The following IGSF11 variants were observed in gnomAD, a reference collection of about 807,000 sequenced individuals.
IGSF11 encodes the protein CXADR like 1.
A neutral mutation model predicts 41.0 loss-of-function variants in IGSF11; 22 were observed. That is an observed-to-expected ratio of 0.54 (90% CI 0.38 to 0.77). The LOEUF is 0.77. Ranked by LOEUF, IGSF11 falls within the 30% of genes least tolerant of loss-of-function variation. The pLI, the probability that IGSF11 is intolerant of heterozygous loss-of-function variation, is 0.00. For synonymous variants in IGSF11, 219 were observed against 201.3 expected, an observed-to-expected ratio of 1.09 and a Z score of -0.74; for missense variants, 444 against 530.8, an observed-to-expected ratio of 0.84 and a Z score of 1.61.
intron 4 of IGSF11, among the ~76,000 whole-genome samples, chr3:118,922,156 C>T (rs1941864499): frequency 1.3e-5 from 2 of 152,010 alleles, no homozygotes; most frequent in Admixed American, 1.3e-4. Context: ...TCCATAAATG[C>T]AGGGATGTTT....
intron 1 of IGSF11, among the ~76,000 whole-genome samples, chr3:118,969,784 T>C (rs1161190672): frequency 3.3e-5 from 5 of 152,162 alleles, no homozygotes; most frequent in African/African-American, 1.2e-4. Flanking sequence ...TCCAAAGGAT[T>C]ATAAAATGCT....
intron 1 of IGSF11, among the ~76,000 whole-genome samples, chr3:119,044,052 A>G (rs1180000137): frequency 6.6e-6 from 1 of 152,194 alleles, no homozygotes; most frequent in African/African-American, 2.4e-5. Flanking sequence ...AATCCAAACC[A>G]AGAAAAAATC....
intron 1 of IGSF11, among the ~76,000 whole-genome samples, chr3:119,051,413 C>T (rs1941622070): frequency 6.6e-6 from 1 of 151,706 alleles, no homozygotes; most frequent in Admixed American, 6.6e-5. Context: ...AAGATTAGTC[C>T]AACAGGAAAA....
In IGSF11 at chr3:118,945,480, A is replaced by G. The variant is rs1046932109; in HGVS notation, c.53-15205T>C. Among the ~76,000 whole-genome samples, 5 of 152,354 alleles carry G rather than the reference A, an allele frequency of 3.3e-5. 1 individual carries two copies. The highest frequency in any genetic ancestry group is 1.9e-4 in the East Asian group (1 of 5,194). On this transcript the variant is annotated intron_variant, in intron 1 of 6. Transcript: ENST00000393775. ...GATGAAGCCGTGGTGAAATTCAAAA[A>G]TGAAATGTAAATGAGAAGTAGGAAA...
In IGSF11 at chr3:118,911,136, T is replaced by C. The variant is rs528836381; in HGVS notation, c.581-5418A>G. ...ATGTGTGTGTGCACACACACACACA[T>C]ATATGTAAAAATGAATGAATATATA... is the stretch of plus-strand genomic sequence containing the variant. On this transcript the variant is annotated intron_variant, in intron 4 of 6. Transcript: ENST00000393775. Among the ~76,000 whole-genome samples, 21 of 152,120 alleles carry C rather than the reference T, an allele frequency of 1.4e-4. No individual in the cohort carries two copies. The South Asian group carries it at 3.7e-3, about 27-fold the overall frequency.
At chr3:119,132,528 C>T (rs1043634098) in intron 1 of IGSF11, among the ~76,000 whole-genome samples, 1 of 152,004 alleles carries the variant, frequency 6.6e-6, no homozygotes, top group Non-Finnish European at 1.5e-5. Flanking sequence ...GCTAACTATC[C>T]TAAATAGATA....
chr3:119,127,843 C>A (rs2077424003), intron 1 of IGSF11, among the ~76,000 whole-genome samples: 1 of 152,168 alleles, frequency 6.6e-6, no homozygotes, highest in African/African-American at 2.4e-5. Flanking sequence ...CCTTTCTAGA[C>A]AAGCAAATGC....
chr3:119,021,977 AAGGGAGTGGG>A (rs1939338348), intron 1 of IGSF11, among the ~76,000 whole-genome samples: 1 of 152,196 alleles, frequency 6.6e-6, no homozygotes, highest in Non-Finnish European at 1.5e-5. Context: ...CACTGAAACC[AAGGGAGTGGG>A]AGGGGACATG....
At chr3:118,967,162 CA>C (rs1008537518) in intron 1 of IGSF11, among the ~76,000 whole-genome samples, 2 of 150,234 alleles carry the variant, frequency 1.3e-5, no homozygotes, top group Non-Finnish European at 3.0e-5. Flanking sequence ...GAATTAATGC[CA>C]AAAAAAACCA....
chr3:118,960,152 A>T (rs1945245935), intron 1 of IGSF11, among the ~76,000 whole-genome samples: 1 of 152,246 alleles, frequency 6.6e-6, no homozygotes, highest in African/African-American at 2.4e-5. Flanking sequence ...GATCACTGAA[A>T]TTAAAACTGT....
At chr3:119,141,603 C>A (rs2077648967) in intron 1 of IGSF11, among the ~76,000 whole-genome samples, 1 of 148,536 alleles carries the variant, frequency 6.7e-6, no homozygotes, top group Admixed American at 6.7e-5. Context: ...TATAGATTAT[C>A]TATATTATCT....
intron 1 of IGSF11, among the ~76,000 whole-genome samples, chr3:119,006,369 AT>A (rs1416434583): frequency 1.2e-5 from 1 of 86,824 alleles, no homozygotes; most frequent in Non-Finnish European, 2.0e-5. Flanking sequence ...ATTCTTCTAA[AT>A]TTTTTTCAAA....
intron 1 of IGSF11, among the ~76,000 whole-genome samples, chr3:119,086,728 T>C (rs1387654455): frequency 6.6e-6 from 1 of 152,172 alleles, no homozygotes; most frequent in Non-Finnish European, 1.5e-5. Context: ...AGGGAATATG[T>C]TTCAATAAGC....
At chr3:119,094,004 G>A (rs896231076) in intron 1 of IGSF11, among the ~76,000 whole-genome samples, 2 of 151,776 alleles carry the variant, frequency 1.3e-5, no homozygotes, top group African/African-American at 4.8e-5. Context: ...ATGATCTTAA[G>A]AGATTTTAAG....
At chr3:119,075,143 G>A (rs188263419) in intron 1 of IGSF11, among the ~76,000 whole-genome samples, 1 of 151,948 alleles carries the variant, frequency 6.6e-6, no homozygotes, top group African/African-American at 2.4e-5. Flanking sequence ...AATGACAAAG[G>A]GGACATTACC....
At chr3:118,957,426 G>A (rs1014776403) in intron 1 of IGSF11, among the ~76,000 whole-genome samples, 3 of 152,132 alleles carry the variant, frequency 2.0e-5, no homozygotes, top group African/African-American at 7.2e-5. Context: ...ACAGACATAG[G>A]CTTGTTTAAA....
intron 1 of IGSF11, among the ~76,000 whole-genome samples, chr3:119,093,405 G>A (rs865876636): frequency 1.4e-5 from 2 of 147,204 alleles, no homozygotes; most frequent in South Asian, 4.3e-4. Flanking sequence ...TCTGAGACCC[G>A]TTTTTTTTTT....
intron 1 of IGSF11, among the ~76,000 whole-genome samples, chr3:119,142,902 A>G (rs1304823640): frequency 6.6e-6 from 1 of 152,214 alleles, no homozygotes; most frequent in African/African-American, 2.4e-5. Flanking sequence ...TGAACAGTCA[A>G]TTTCTCAGCA....
At chr3:119,036,926 G>T (rs1375919669), upstream of IGSF11, among the ~76,000 whole-genome samples, 1 of 152,166 alleles carries the variant, frequency 6.6e-6, no homozygotes, top group African/African-American at 2.4e-5. Context: ...GAGTGAGGAT[G>T]ATCAGATTTC....
Sources: allele counts gnomAD v4.1 joint callset (sites outside exome capture counted in the v4.1 genomes callset), GRCh38; gene constraint gnomAD v4.1.1; transcripts MANE v1.5; gene names NCBI Gene and HGNC (gene_info 2026-07-23, HGNC 2026-07-21).